The following SLC25A16 variants were observed in gnomAD, a reference collection of about 807,000 sequenced individuals.
The protein encoded by SLC25A16 is solute carrier family 25 member 16, also known as mitochondrial coenzyme A transporter SLC25A16.
A neutral mutation model predicts 41.5 loss-of-function variants in SLC25A16; 39 were observed. The observed-to-expected ratio is 0.94, with a 90% CI of 0.73 to 1.23. The LOEUF (loss-of-function observed/expected upper bound fraction) is 1.23. SLC25A16 is among the 50% of genes most tolerant of loss of function. The probability of loss-of-function intolerance (pLI) is 0.00; values close to 1 mark genes in which losing one functional copy is unlikely to be tolerated. For missense variants in SLC25A16, 421 were observed against 426.9 expected (o/e 0.99, Z 0.12); for synonymous variants, 146 against 147.8 (o/e 0.99, Z 0.09).
At chr10:68,493,705 A>G (rs1204062584) in intron 4 of SLC25A16, 135 bp from the exon 5 acceptor site, 36 of 685,798 alleles carry the variant, frequency 5.2e-5, no homozygotes, top group Non-Finnish European at 3.5e-5. Flanking sequence ...TACTGACAGA[A>G]TTATACCATA....
intron 4 of SLC25A16, among the ~76,000 whole-genome samples, chr10:68,495,505 C>T (rs900281463): frequency 2.0e-5 from 3 of 151,618 alleles, no homozygotes; most frequent in Admixed American, 1.3e-4. Flanking sequence ...ACTCTAGGGC[C>T]GGAAACAGTG....
Position 68,509,743 on chromosome 10 carries a change from CTATATATATAGATA to C in SLC25A16, c.224-3039_224-3026del, listed in dbSNP as rs1335452119. Reference sequence around the variant, plus strand: ...TATATCTATCTATCTATATATATATCTATATATATAGATATATAGATATAGATAGATAGATATAT... The same window carrying C: ...TATATCTATCTATCTATATATATATCTATAGATATAGATAGATAGATATAT... On this transcript the variant is annotated intron_variant, in intron 2 of 8. Transcript: ENST00000609923. Among the ~76,000 whole-genome samples, 6 of 144,664 alleles carry C rather than the reference CTATATATATAGATA, an allele frequency of 4.1e-5. No individual in the cohort carries two copies. In the East Asian group the frequency reaches 8.0e-4, roughly 19 times the overall value. The allele number at this position is 144,664 out of a possible 152,430, so 94.9% of individuals were successfully genotyped here.
intron 4 of SLC25A16, chr10:68,496,757 A>G (rs2052755578): frequency 1.2e-6 from 1 of 841,938 alleles, no homozygotes; most frequent in Non-Finnish European, 1.4e-6. Flanking sequence ...CATATTTAGA[A>G]AGTATGGTAA....
At chr10:68,522,477 C>G (rs955789625) in intron 1 of SLC25A16, among the ~76,000 whole-genome samples, 7 of 151,192 alleles carry the variant, frequency 4.6e-5, no homozygotes, top group Admixed American at 6.6e-5. Flanking sequence ...GTCAGGAATT[C>G]GAGACCAGTC....
At chr10:68,513,708 G>A (rs1042303701) in intron 2 of SLC25A16, among the ~76,000 whole-genome samples, 2 of 151,928 alleles carry the variant, frequency 1.3e-5, no homozygotes, top group South Asian at 2.1e-4. Context: ...TGGCAAACAC[G>A]GTGAAACCCC....
chr10:68,509,227 C>T (rs1219743859), intron 2 of SLC25A16, among the ~76,000 whole-genome samples: 2 of 151,754 alleles, frequency 1.3e-5, no homozygotes, highest in Non-Finnish European at 2.9e-5. Context: ...ATCCCAGCTA[C>T]GAGGGAGGGT....
rs2052451096 is a variant in SLC25A16, at chr10:68,478,407, T to A, written c.*5025A>T. ...CAAAGAATAGATGCGAGGAACTATG[T>A]AAAGTGTATGCTTGCTATACAAGTG... On this transcript the variant is annotated 3_prime_UTR_variant, in exon 9 of 9. Coordinates refer to ENST00000609923, the MANE Select transcript of SLC25A16 (RefSeq NM_152707.4). 1 of 152,210 alleles carries A rather than the reference T, an allele frequency of 6.6e-6. No homozygotes were observed. Among genetic ancestry groups the A allele is most frequent in the African/African-American group, 2.4e-5 (1 of 41,456 alleles). 9.4% of individuals were successfully genotyped at this position (152,210 alleles called of 1,614,324 possible).
At chr10:68,509,709 A>C (rs896188797) in intron 2 of SLC25A16, among the ~76,000 whole-genome samples, 1 of 141,162 alleles carries the variant, frequency 7.1e-6, no homozygotes, top group Non-Finnish European at 1.5e-5. Flanking sequence ...TCTCAAAAAA[A>C]AAAATCTATA....
chr10:68,514,549 T>A (rs1478383336), intron 2 of SLC25A16, among the ~76,000 whole-genome samples: 1 of 152,168 alleles, frequency 6.6e-6, no homozygotes, highest in African/African-American at 2.4e-5. Flanking sequence ...ATTGACCACA[T>A]TTCTGTTTAC....
chr10:68,503,688 G>T lies in SLC25A16; in HGVS notation c.365C>A (p.Thr122Asn), dbSNP rs753520144. ...MAFEHYKTLI[T>N]TKLGISGHVH... ...ATGACCTGAAATTCCCAGCTTCGTA[G>T]TAATTAACTAGAAAACAAGAACACT... Residue 122 changes from threonine to asparagine, a missense_variant, in exon 4 of 9, where the codon ACT becomes AAT. Thr to Asn is a moderately conservative substitution (Grantham distance 65). Coordinates refer to ENST00000609923, the MANE Select transcript of SLC25A16 (RefSeq NM_152707.4). 6.9e-6 allele frequency: 11 copies of T among 1,597,908 alleles called. No homozygotes were observed. Among genetic ancestry groups the T allele is most frequent in the Middle Eastern group, 3.3e-4 (2 of 6,028 alleles).
In SLC25A16 at chr10:68,488,012, C is replaced by G. The variant is rs1247312924; in HGVS notation, c.773+455G>C. On this transcript the variant is annotated intron_variant, in intron 7 of 8. Coordinates refer to ENST00000609923, the MANE Select transcript of SLC25A16 (RefSeq NM_152707.4). ...GGATTACAGGTGGCTGCCACCACAC[C>G]CGGCTAATTTTTGTGTTTTTAGTAA... Among the ~76,000 whole-genome samples the G allele has an allele frequency of 3.9e-5, 6 of 152,078 alleles. No homozygotes were observed. In the East Asian group the frequency reaches 1.2e-3, roughly 29 times the overall value.
At chr10:68,485,588 T>C (rs2052546013) in intron 8 of SLC25A16, among the ~76,000 whole-genome samples, 1 of 151,702 alleles carries the variant, frequency 6.6e-6, no homozygotes, top group African/African-American at 2.4e-5. Context: ...TTTCACCATC[T>C]TGGCCAGGTT....
At chr10:68,495,609 C>T (rs1199757347) in intron 4 of SLC25A16, among the ~76,000 whole-genome samples, 2 of 151,738 alleles carry the variant, frequency 1.3e-5, no homozygotes, top group Non-Finnish European at 2.9e-5. Context: ...CACAGTGAAA[C>T]CCTGTCTCTA....
At chr10:68,518,076 T>C (rs1275674888) in intron 1 of SLC25A16, 1 of 152,070 alleles carries the variant, frequency 6.6e-6, no homozygotes, top group Non-Finnish European at 1.5e-5. Flanking sequence ...AGAGCTATAA[T>C]TGTGCGGCTT....
At chr10:68,509,603 T>C (rs369088416) in intron 2 of SLC25A16, among the ~76,000 whole-genome samples, 1 of 151,092 alleles carries the variant, frequency 6.6e-6, no homozygotes. Flanking sequence ...TTCAGGAGGC[T>C]GAGGCAGGAA....
intron 6 of SLC25A16, among the ~76,000 whole-genome samples, chr10:68,490,405 C>A (rs945782468): frequency 6.6e-6 from 1 of 150,816 alleles, no homozygotes; most frequent in Non-Finnish European, 1.5e-5. Flanking sequence ...TGCAATGGTG[C>A]GATCTTAGCT....
intron 1 of SLC25A16, among the ~76,000 whole-genome samples, chr10:68,524,572 G>A (rs527307060): frequency 9.1e-4 from 138 of 151,308 alleles, no homozygotes; most frequent in African/African-American, 2.6e-3. Flanking sequence ...AGCCAGGCAC[G>A]GTGGCGAGCA....
intron 1 of SLC25A16, among the ~76,000 whole-genome samples, chr10:68,520,476 G>C (rs942871209): frequency 5.9e-5 from 9 of 151,730 alleles, no homozygotes; most frequent in African/African-American, 2.2e-4. Flanking sequence ...AGGATTTCAA[G>C]ACCAGCCTGG....
At chr10:68,494,521 G>A (rs905128736) in intron 4 of SLC25A16, among the ~76,000 whole-genome samples, 6 of 147,128 alleles carry the variant, frequency 4.1e-5, no homozygotes, top group Admixed American at 3.5e-4. Flanking sequence ...AGACGGGAGG[G>A]GAGGAGAGAG....
Sources: allele counts gnomAD v4.1 joint callset (sites outside exome capture counted in the v4.1 genomes callset), GRCh38; gene constraint gnomAD v4.1.1; transcripts MANE v1.5; gene names NCBI Gene and HGNC (gene_info 2026-07-23, HGNC 2026-07-21).